The following PTPRN2 variants were observed in gnomAD, a reference collection of about 807,000 sequenced individuals.
PTPRN2 encodes the protein protein tyrosine phosphatase receptor type N2, also known as receptor-type tyrosine-protein phosphatase N2.
A neutral mutation model predicts 118.8 loss-of-function variants in PTPRN2; 74 were observed. That is an observed-to-expected ratio of 0.62 (90% CI 0.52 to 0.76). The LOEUF (loss-of-function observed/expected upper bound fraction) is 0.76, where lower values mean the gene tolerates loss of function less well. Ranked by LOEUF, PTPRN2 falls within the 30% of genes least tolerant of loss-of-function variation. The pLI is 0.00. For synonymous variants in PTPRN2, 641 were observed against 608.0 expected, an observed-to-expected ratio of 1.05 and a Z score of -0.80; for missense variants, 1,481 against 1,394.4, an observed-to-expected ratio of 1.06 and a Z score of -0.99.
chr7:157,656,374 TGGA>T lies in PTPRN2; in HGVS notation c.2176_2178del (p.Ser726del). 3 of 1,550,138 alleles carry T rather than the reference TGGA, an allele frequency of 1.9e-6. No individual in the cohort carries two copies. In the South Asian group the frequency reaches 3.6e-5, roughly 18 times the overall value. On this transcript the variant is annotated inframe_deletion, in exon 14 of 23. Transcript: ENST00000389418. ...GGGCTTACCAGGATCATGTGGCCGG[TGGA>T]GATGTCCATGTTGGACTGCACAGGC...
intron 12 of PTPRN2, among the ~76,000 whole-genome samples, chr7:157,809,244 A>G (rs1349416617): frequency 2.6e-5 from 4 of 151,900 alleles, no homozygotes; most frequent in Non-Finnish European, 5.9e-5. Context: ...GAGGGGGCTC[A>G]GCCCTGAGCG....
At chr7:157,837,406 A>G (rs1006647246) in intron 12 of PTPRN2, among the ~76,000 whole-genome samples, 1 of 151,496 alleles carries the variant, frequency 6.6e-6, no homozygotes, top group African/African-American at 2.4e-5. Flanking sequence ...CTAGGACATT[A>G]TTAATGCCCA....
intron 2 of PTPRN2, among the ~76,000 whole-genome samples, chr7:158,465,485 G>C (rs142923318): frequency 6.6e-6 from 1 of 152,266 alleles, no homozygotes; most frequent in East Asian, 1.9e-4. Flanking sequence ...TAACATTCCT[G>C]AGCATCTAAT....
chr7:158,253,706 A>G (rs1162499562), intron 3 of PTPRN2, among the ~76,000 whole-genome samples: 1 of 152,242 alleles, frequency 6.6e-6, no homozygotes, highest in African/African-American at 2.4e-5. Context: ...CAAGGTGTCC[A>G]GTGCTTTAAA....
chr7:158,341,737 G>A (rs1262874818), intron 2 of PTPRN2, among the ~76,000 whole-genome samples: 2 of 145,516 alleles, frequency 1.4e-5, no homozygotes, highest in East Asian at 2.1e-4. Context: ...GCCCGCAGAC[G>A]TCACTCACAC....
At position 157,543,006 on chromosome 7, in the gene PTPRN2, C is replaced by T. The variant is rs117198143; in HGVS notation, c.2977-2221G>A. Among the ~76,000 whole-genome samples the T allele has an allele frequency of 1.8e-4, 27 of 152,328 alleles. No individual in the cohort carries two copies. The East Asian group carries it at 4.0e-3, about 23-fold the overall frequency. On this transcript the variant is annotated intron_variant, in intron 22 of 22. Coordinates refer to ENST00000389418, the MANE Select transcript of PTPRN2 (RefSeq NM_002847.5). ...GTGGGTCCTCGAAGGTCTGTGGCCA[C>T]GTTCTGAGCAGAATCCGCTGAGCAA...
chr7:158,510,913 C>T (rs934280575), intron 1 of PTPRN2, among the ~76,000 whole-genome samples: 2 of 152,318 alleles, frequency 1.3e-5, no homozygotes, highest in African/African-American at 4.8e-5. Context: ...GGGCTGTCGT[C>T]GAGGAGGCCC....
At chr7:158,287,662 T>C (rs1357322901) in intron 3 of PTPRN2, among the ~76,000 whole-genome samples, 3 of 152,192 alleles carry the variant, frequency 2.0e-5, no homozygotes, top group Admixed American at 6.5e-5. Context: ...TCTAGTCTCA[T>C]ACCAGGATGT....
intron 11 of PTPRN2, among the ~76,000 whole-genome samples, chr7:158,061,626 G>C (rs7455546): frequency 0.44 from 66,917 of 152,114 alleles, 15,173 homozygotes; most frequent in South Asian, 0.56. Flanking sequence ...ACGGAGGAAG[G>C]CTGTGGCTCC....
chr7:157,793,192 G>C (rs1804634687), intron 12 of PTPRN2, among the ~76,000 whole-genome samples: 1 of 152,182 alleles, frequency 6.6e-6, no homozygotes, highest in Non-Finnish European at 1.5e-5. Flanking sequence ...ACCCAGCCGA[G>C]AGTCCCCTGC....
At chr7:158,301,326 A>G (rs967214898) in intron 3 of PTPRN2, among the ~76,000 whole-genome samples, 1 of 151,724 alleles carries the variant, frequency 6.6e-6, no homozygotes, top group East Asian at 1.9e-4. Flanking sequence ...CTCCTGACAC[A>G]CTCCCCTCCT....
rs142500958 is a variant in PTPRN2 at position 157,744,695 on chromosome 7, C to T, written c.1789-61758G>A. 2.0e-3 allele frequency among the ~76,000 whole-genome samples: 297 copies of T among 152,196 alleles called. 5 individuals carry two copies. Among genetic ancestry groups the T allele is most frequent in the Non-Finnish European group, 5.4e-4 (37 of 68,024 alleles). On this transcript the variant is annotated intron_variant, in intron 12 of 22. Coordinates refer to ENST00000389418, the MANE Select transcript of PTPRN2 (RefSeq NM_002847.5). ...CACTTCAGTACCATCAGAACGTGTG[C>T]AGAAGACGGAGGATGTGGAAGGGCC...
At chr7:158,225,914 G>A (rs1329093039) in intron 3 of PTPRN2, among the ~76,000 whole-genome samples, 1 of 107,228 alleles carries the variant, frequency 9.3e-6, no homozygotes, top group East Asian at 3.1e-4. Flanking sequence ...CAGGAACAGA[G>A]GGAGGGGAGT....
rs1170580677 is a variant in PTPRN2, at chr7:157,627,987, C to T, written c.2197-6478G>A. The stretch of plus-strand genomic sequence containing the variant: ...TAAGGTTTCCCCTGTCATCCTTCTC[C>T]CGTTTCTGAATCCATCCTGCCAGTC... On this transcript the variant is annotated intron_variant, in intron 14 of 22. Coordinates refer to ENST00000389418, the MANE Select transcript of PTPRN2 (RefSeq NM_002847.5). This position sits in a 1 kb window ranked among gnomAD's most constrained non-coding sequence, Gnocchi z 4.2. Among the ~76,000 whole-genome samples, 1 of 152,210 alleles carries T rather than the reference C, an allele frequency of 6.6e-6. No individual in the cohort carries two copies. Among genetic ancestry groups the T allele is most frequent in the Non-Finnish European group, 1.5e-5 (1 of 68,032 alleles).
At chr7:157,864,929 CA>C (rs1467755213) in intron 12 of PTPRN2, 1 of 152,290 alleles carries the variant, frequency 6.6e-6, no homozygotes, top group Non-Finnish European at 1.5e-5. Context: ...CCAACCTGCA[CA>C]AGGGCTCACA....
At position 157,690,845 on chromosome 7, in the gene PTPRN2, T is replaced by C. The variant is rs1226589386; in HGVS notation, c.1789-7908A>G. 6.8e-6 allele frequency among the ~76,000 whole-genome samples: 1 copy of C among 146,396 alleles called. No individual in the cohort carries two copies. ...GCTCTGCGCGGCCGCTCGGCCCAGC[T>C]CCGCGTGCTCCGCCCCGGCCCGGCC... On this transcript the variant is annotated intron_variant, in intron 12 of 22. Coordinates refer to ENST00000389418, the MANE Select transcript of PTPRN2 (RefSeq NM_002847.5). The surrounding 1 kb of genome is among the most constrained non-coding windows in gnomAD (Gnocchi z 7.1).
At chr7:158,110,728 G>T in intron 10 of PTPRN2, 101 bp downstream of exon 10, 1 of 1,108,486 alleles carries the variant, frequency 9.0e-7, no homozygotes. Context: ...GTTCCCTCAT[G>T]TAATTAACAA....
intron 3 of PTPRN2, among the ~76,000 whole-genome samples, chr7:158,267,012 C>T (rs943441624): frequency 2.6e-5 from 4 of 152,142 alleles, no homozygotes; most frequent in Admixed American, 6.5e-5. Flanking sequence ...CACTAAAGGG[C>T]GGGGAAGCTG....
At position 158,374,048 on chromosome 7, in the gene PTPRN2, C is replaced by T. The variant is rs150935765; in HGVS notation, c.164-57116G>A. Among the ~76,000 whole-genome samples, 243 of 152,336 alleles carry T rather than the reference C, an allele frequency of 1.6e-3. 1 individual carries two copies. Among genetic ancestry groups the T allele is most frequent in the African/African-American group, 5.3e-3 (219 of 41,570 alleles). On this transcript the variant is annotated intron_variant, in intron 2 of 22. Coordinates refer to ENST00000389418, the MANE Select transcript of PTPRN2 (RefSeq NM_002847.5). Reference sequence around the variant, plus strand: ...TCCCACGGTGGCAACACGACGCCCACGCGCCCGGCACTGGAGTCAGGGCTC... The same window carrying T: ...TCCCACGGTGGCAACACGACGCCCATGCGCCCGGCACTGGAGTCAGGGCTC...
Sources: gnomAD v4.1 joint callset for allele counts (sites outside exome capture counted in the v4.1 genomes callset) on GRCh38, gnomAD v4.1.1 for gene constraint, Gnocchi (gnomAD v3.1) non-coding constraint, MANE v1.5 for transcripts, NCBI Gene and HGNC (gene_info 2026-07-23, HGNC 2026-07-21) for gene names.